Variants in KIAA1217 observed in about 807,000 individuals in gnomAD.
KIAA1217 encodes the protein sickle tail protein homolog.
Under a neutral mutation model 163.9 loss-of-function variants are expected in KIAA1217, and 88 were observed. The ratio of observed to expected loss-of-function variants is 0.54; its 90% CI spans 0.45 to 0.64. KIAA1217 has a LOEUF of 0.64. KIAA1217 is among the 30% of genes least tolerant of loss of function. The pLI, the probability that KIAA1217 is intolerant of heterozygous loss-of-function variation, is 0.00. For synonymous variants in KIAA1217, 903 were observed against 923.1 expected (o/e 0.98, Z 0.39); for missense variants, 2,372 against 2,475.0 (o/e 0.96, Z 0.88).
At chr10:24,078,879 C>G (rs932286483) in intron 2 of KIAA1217, among the ~76,000 whole-genome samples, 1 of 152,170 alleles carries the variant, frequency 6.6e-6, no homozygotes, top group African/African-American at 2.4e-5. Flanking sequence ...TTCAAATCCT[C>G]CTTCTGTTTA....
At chr10:23,874,795 C>T (rs552735248) in intron 1 of KIAA1217, among the ~76,000 whole-genome samples, 11 of 152,028 alleles carry the variant, frequency 7.2e-5, no homozygotes, top group Admixed American at 6.6e-4. Flanking sequence ...GTCACTATTA[C>T]AAATAATCAT....
At chr10:24,210,151 G>A (rs544548385) in intron 1 of KIAA1217, among the ~76,000 whole-genome samples, 1 of 151,294 alleles carries the variant, frequency 6.6e-6, no homozygotes, top group East Asian at 2.0e-4. Context: ...GCAGTGCTGT[G>A]CGTGGGAGTA....
intron 2 of KIAA1217, among the ~76,000 whole-genome samples, chr10:24,038,539 G>A (rs1848490939): frequency 6.6e-6 from 1 of 152,190 alleles, no homozygotes; most frequent in African/African-American, 2.4e-5. Context: ...ATGGCAGGTA[G>A]TCCCTACAAA....
intron 1 of KIAA1217, among the ~76,000 whole-genome samples, chr10:23,853,132 A>G (rs936377825): frequency 1.3e-5 from 2 of 152,170 alleles, no homozygotes; most frequent in Non-Finnish European, 2.9e-5. Context: ...CTCATTCAGT[A>G]TGATATTGGC....
intron 2 of KIAA1217, among the ~76,000 whole-genome samples, chr10:24,264,013 A>G (rs1232345967): frequency 6.6e-6 from 1 of 152,044 alleles, no homozygotes; most frequent in African/African-American, 2.4e-5. Context: ...ACGTGCCACC[A>G]CACCAAGCTA....
chr10:23,702,208 A>G (rs1361128427), intron 1 of KIAA1217, among the ~76,000 whole-genome samples: 3 of 149,186 alleles, frequency 2.0e-5, no homozygotes, highest in African/African-American at 7.7e-5. Flanking sequence ...CAGACAGTAC[A>G]GTTCTTTAGG....
At chr10:24,133,224 C>T (rs1046273865) in intron 2 of KIAA1217, among the ~76,000 whole-genome samples, 5 of 152,068 alleles carry the variant, frequency 3.3e-5, no homozygotes, top group African/African-American at 1.2e-4. Context: ...ACAAAGTAGT[C>T]TTAGAGAAAG....
intron 1 of KIAA1217, among the ~76,000 whole-genome samples, chr10:23,740,074 A>ATG (rs1839024655): frequency 6.6e-6 from 1 of 152,064 alleles, no homozygotes; most frequent in African/African-American, 2.4e-5. Flanking sequence ...ATGCCTATGT[A>ATG]AGTGGAGCTG....
At chr10:24,451,551 G>T (rs1042700385) in intron 5 of KIAA1217, among the ~76,000 whole-genome samples, 1 of 152,208 alleles carries the variant, frequency 6.6e-6, no homozygotes, top group Admixed American at 6.5e-5. Flanking sequence ...CACAACACAG[G>T]CTTCAGGATC....
chr10:24,315,013 G>A (rs1007480690), intron 2 of KIAA1217, among the ~76,000 whole-genome samples: 3 of 152,054 alleles, frequency 2.0e-5, no homozygotes, highest in South Asian at 2.1e-4. Flanking sequence ...CATGTCTTTC[G>A]GGAGGCTTTC....
chr10:23,704,723 T>C (rs552475650), intron 1 of KIAA1217, among the ~76,000 whole-genome samples: 2 of 152,292 alleles, frequency 1.3e-5, no homozygotes, highest in Non-Finnish European at 1.5e-5. Context: ...GACATCTAGG[T>C]TGCTTCCAAT....
intron 1 of KIAA1217, among the ~76,000 whole-genome samples, chr10:23,898,032 C>T (rs1364242906): frequency 1.3e-5 from 2 of 151,822 alleles, no homozygotes; most frequent in Non-Finnish European, 2.9e-5. Context: ...AGAGAAAGTG[C>T]CAGAGCATCT....
intron 2 of KIAA1217, among the ~76,000 whole-genome samples, chr10:24,046,971 T>TGGC (rs1488901814): frequency 6.6e-6 from 1 of 152,202 alleles, no homozygotes; most frequent in African/African-American, 2.4e-5. Flanking sequence ...ATCTTTCTGG[T>TGGC]GGCACTCTGC....
chr10:24,077,147 G>C (rs1011285206), intron 2 of KIAA1217, among the ~76,000 whole-genome samples: 1 of 152,190 alleles, frequency 6.6e-6, no homozygotes, highest in African/African-American at 2.4e-5. Context: ...AAAGTGCTGA[G>C]ATTACAGGTG....
intron 1 of KIAA1217, among the ~76,000 whole-genome samples, chr10:23,771,730 G>A (rs1402803453): frequency 6.6e-6 from 1 of 152,188 alleles, no homozygotes; most frequent in Non-Finnish European, 1.5e-5. Context: ...GGGATTGCAT[G>A]TGTTTAAGGG....
intron 3 of KIAA1217, among the ~76,000 whole-genome samples, chr10:24,407,297 C>T (rs746510073): frequency 1.3e-5 from 2 of 150,696 alleles, no homozygotes; most frequent in African/African-American, 4.9e-5. Context: ...CGTGCGTGTG[C>T]GTGCGCGTGC....
At chr10:24,447,500 C>T (rs979156194) in intron 5 of KIAA1217, among the ~76,000 whole-genome samples, 4 of 152,130 alleles carry the variant, frequency 2.6e-5, no homozygotes, top group Admixed American at 6.6e-5. Context: ...GGTTTTCTGT[C>T]CACACGTCTT....
At chr10:24,149,403 C>T (rs1212649352) in intron 2 of KIAA1217, among the ~76,000 whole-genome samples, 2 of 151,774 alleles carry the variant, frequency 1.3e-5, no homozygotes, top group African/African-American at 2.4e-5. Flanking sequence ...AGGCTGGTCT[C>T]GAACTCCTGA....
chr10:24,180,318 G>C (rs1010072065), intron 2 of KIAA1217, among the ~76,000 whole-genome samples: 3 of 120,008 alleles, frequency 2.5e-5, no homozygotes, highest in South Asian at 2.6e-4. Flanking sequence ...ACAGGGTCTC[G>C]CTCTGTCACC....
Sources: gnomAD v4.1 joint callset for allele counts (sites outside exome capture counted in the v4.1 genomes callset) on GRCh38, gnomAD v4.1.1 for gene constraint, MANE v1.5 for transcripts, NCBI Gene and HGNC (gene_info 2026-07-23, HGNC 2026-07-21) for gene names.